Variants in ZNF528 observed in about 807,000 individuals in gnomAD.
ZNF528 encodes zinc finger protein 528.
In ZNF528, 9 loss-of-function variants were observed where a neutral mutation model predicts 13.3. That is an observed-to-expected ratio of 0.67 (90% CI 0.41 to 1.18). The LOEUF is 1.18. Ranked by LOEUF, ZNF528 falls within the 50% of genes most tolerant of loss-of-function variation. ZNF528 has a pLI of 0.01. For missense variants in ZNF528, 858 were observed against 745.4 expected, an observed-to-expected ratio of 1.15 and a Z score of -1.76; for synonymous variants, 264 against 254.3, an observed-to-expected ratio of 1.04 and a Z score of -0.36.
In ZNF528 at chr19:52,414,580, C is replaced by A. The variant is rs545344470; in HGVS notation, c.272-544C>A. 2.8e-4 allele frequency: 131 copies of A among 469,468 alleles called. No homozygotes were observed. In the Admixed American group the frequency reaches 4.5e-3, roughly 16 times the overall value. 29.1% of individuals were successfully genotyped at this position (469,468 alleles called of 1,614,324 possible). On this transcript the variant is annotated intron_variant, in intron 6 of 6. Transcript: ENST00000360465. Reference sequence around the variant, plus strand: ...CAGTAGATAATTTCAATGAGCATGGCACCAGGGAGTGATTACCTTCAGCAA... The same window carrying A: ...CAGTAGATAATTTCAATGAGCATGGAACCAGGGAGTGATTACCTTCAGCAA...
intron 4 of ZNF528, 81 bp from the exon 5 acceptor site, chr19:52,405,826 C>T (rs2058849047): frequency 1.3e-6 from 2 of 1,567,598 alleles, no homozygotes; most frequent in Non-Finnish European, 1.7e-6. Flanking sequence ...TGGAGTCAGT[C>T]CTTAACGACT....
In ZNF528 at chr19:52,401,666, T is replaced by C; in HGVS notation, c.-136-19T>C. On this transcript the variant is annotated intron_variant, in intron 2 of 6. Coordinates refer to ENST00000360465, the MANE Select transcript of ZNF528 (RefSeq NM_032423.3). ...TTATTACCACATGAAGAATTGCTTT[T>C]TTTTTTTTTTTTTTTTAGGTTCACA... 3 of 1,205,450 alleles carry C rather than the reference T, an allele frequency of 2.5e-6. No individual in the cohort carries two copies. Among genetic ancestry groups the C allele is most frequent in the Non-Finnish European group, 3.2e-6 (3 of 939,138 alleles). The allele number at this position is 1,205,450 out of a possible 1,614,324, so 74.7% of individuals were successfully genotyped here.
chr19:52,400,454 C>A (rs537800199), intron 2 of ZNF528, among the ~76,000 whole-genome samples: 2 of 152,248 alleles, frequency 1.3e-5, no homozygotes, highest in South Asian at 4.1e-4. Context: ...TTGACACCAA[C>A]CATTCCACTG....
Position 52,414,048 on chromosome 19 carries a change from G to A in ZNF528, c.272-1076G>A, listed in dbSNP as rs117466720. ...ACGTAGTGTTTTTTTCAACAGACAA[G>A]TTCTGCCCCACGTTACCCTGATTCA... On this transcript the variant is annotated intron_variant, in intron 6 of 6. Coordinates refer to ENST00000360465, the MANE Select transcript of ZNF528 (RefSeq NM_032423.3). 5,830 of 592,322 alleles carry A rather than the reference G, an allele frequency of 9.8e-3. 66 individuals are homozygous for A. The highest frequency in any genetic ancestry group is 0.027 in the Middle Eastern group (91 of 3,362). The allele number at this position is 592,322 out of a possible 1,614,324, so 36.7% of individuals were successfully genotyped here. A position where few individuals can be genotyped will look rare whatever the true frequency, so the allele number is the denominator to read the frequency against.
chr19:52,400,770 C>T (rs2058784721), intron 2 of ZNF528, among the ~76,000 whole-genome samples: 3 of 152,026 alleles, frequency 2.0e-5, no homozygotes, highest in African/African-American at 7.2e-5. Context: ...TAGCCATCCT[C>T]CTACAAAGAA....
intron 6 of ZNF528, chr19:52,414,556 A>G (rs1179678664): frequency 3.9e-6 from 2 of 509,468 alleles, no homozygotes; most frequent in East Asian, 7.0e-5. Context: ...TAGATGTCCC[A>G]GTAGATAATT....
rs1449932335 is a variant in ZNF528 at position 52,416,498 on chromosome 19, A to G, written c.1646A>G (p.Tyr549Cys). ...ATAATTCATACTGGAGAGAGGCCTT[A>G]CAGATGTAGTAAATGTGGCAAAGCA... ...HQIIHTGERP[Y>C]RCSKCGKAFR... Residue 549 changes from tyrosine to cysteine, a missense_variant, in exon 7 of 7, where the codon TAC (tyrosine) becomes TGC (cysteine). By Grantham distance (194) the Tyr-to-Cys change is radical (BLOSUM62 -2). Coordinates refer to ENST00000360465, the MANE Select transcript of ZNF528 (RefSeq NM_032423.3). 1.9e-6 allele frequency: 3 copies of G among 1,614,104 alleles called. No individual in the cohort carries two copies. Among genetic ancestry groups the G allele is most frequent in the Non-Finnish European group, 2.5e-6 (3 of 1,180,046 alleles).
chr19:52,407,399 C>G (rs2058871723), intron 6 of ZNF528, among the ~76,000 whole-genome samples: 1 of 152,176 alleles, frequency 6.6e-6, no homozygotes, highest in Non-Finnish European at 1.5e-5. Flanking sequence ...CTCAGCTTCC[C>G]AAAGTGTTGG....
chr19:52,415,273 G>A lies in ZNF528; in HGVS notation c.421G>A (p.Asp141Asn), dbSNP rs773237904. 1.2e-6 allele frequency: 2 copies of A among 1,614,000 alleles called. No individual in the cohort carries two copies. Among genetic ancestry groups the A allele is most frequent in the Non-Finnish European group, 8.5e-7 (1 of 1,180,008 alleles). The change falls in exon 7 of 7, where the codon GAC (aspartate) becomes AAC (asparagine). Residue 141 changes from aspartate to asparagine, a missense_variant. Coordinates refer to ENST00000360465, the MANE Select transcript of ZNF528 (RefSeq NM_032423.3). ...GCKHFEKPVSDNSSVSPLEKI... is the reference protein window; with the variant it reads ...GCKHFEKPVSNNSSVSPLEKI... The stretch of plus-strand genomic sequence containing the variant: ...TAAGCATTTTGAAAAACCCGTCAGT[G>A]ACAATTCCTCAGTTTCACCGCTTGA...
In ZNF528 at chr19:52,415,409, AT is replaced by A; in HGVS notation, c.558del (p.Tyr186Ter). On this transcript the variant is annotated frameshift_variant, in exon 7 of 7. Coordinates refer to ENST00000360465, the MANE Select transcript of ZNF528 (RefSeq NM_032423.3). LOFTEE classifies it low-confidence loss of function (END_TRUNC). ...EQKAHIREKA[Y>X]KCNEHGQVFR... Reference sequence around the variant, plus strand: ...AAAGCACACATTAGGGAAAAAGCTTATAAATGTAATGAGCACGGCCAAGTCT... The same window carrying A: ...AAAGCACACATTAGGGAAAAAGCTTAAAATGTAATGAGCACGGCCAAGTCT... The A allele has an allele frequency of 6.2e-7, 1 of 1,614,228 alleles. No homozygotes were observed. The highest frequency in any genetic ancestry group is 8.5e-7 in the Non-Finnish European group (1 of 1,180,048).
intron 6 of ZNF528, chr19:52,414,253 G>A: frequency 1.4e-6 from 1 of 702,506 alleles, no homozygotes. Context: ...AAAGTCCTAT[G>A]TTCGGAGGCC....
chr19:52,400,682 G>A (rs976391871), intron 2 of ZNF528, among the ~76,000 whole-genome samples: 1 of 151,866 alleles, frequency 6.6e-6, no homozygotes, highest in Non-Finnish European at 1.5e-5. Context: ...CCTCTGCGTG[G>A]CTGATTGAAA....
rs1367221926 is a variant in ZNF528, at chr19:52,416,771, A to G, written c.*32A>G. ...CTACAAACTGTATGGCAAAACCATCATCATGAGTTCTAGCATTAATCAACA... is the reference window on the plus strand; with the variant it reads ...CTACAAACTGTATGGCAAAACCATCGTCATGAGTTCTAGCATTAATCAACA... On this transcript the variant is annotated 3_prime_UTR_variant, in exon 7 of 7. Transcript: ENST00000360465. 1 of 1,554,286 alleles carries G rather than the reference A, an allele frequency of 6.4e-7. No individual in the cohort carries two copies. Among genetic ancestry groups the G allele is most frequent in the Non-Finnish European group, 8.7e-7 (1 of 1,146,098 alleles).
intron 6 of ZNF528, chr19:52,411,699 C>T (rs998549705): frequency 6.6e-6 from 1 of 152,204 alleles, no homozygotes; most frequent in African/African-American, 2.4e-5. Flanking sequence ...TAGCCCTTTT[C>T]TGTTTTTCCA....
chr19:52,405,782 C>A, intron 4 of ZNF528, 125 bp from the exon 5 acceptor site: 1 of 1,316,806 alleles, frequency 7.6e-7, no homozygotes, highest in Admixed American at 1.8e-5. Flanking sequence ...CTCAAGAATA[C>A]CTTAATATGG....
rs2059011226 is a variant in ZNF528 at position 52,416,815 on chromosome 19, G to C, written c.*76G>C. 7.1e-7 allele frequency: 1 copy of C among 1,408,482 alleles called. No individual in the cohort carries two copies. The highest frequency in any genetic ancestry group is 9.5e-7 in the Non-Finnish European group (1 of 1,047,564). The allele number at this position is 1,408,482 out of a possible 1,614,324, so 87.2% of individuals were successfully genotyped here. A position where few individuals can be genotyped will look rare whatever the true frequency, so the allele number is the denominator to read the frequency against. ...ATCAACATCAGTGAGTCCATACTAA[G>C]TGGAAATCATATAAATGAAATGTAT... On this transcript the variant is annotated 3_prime_UTR_variant, in exon 7 of 7. Transcript: ENST00000360465.
intron 6 of ZNF528, among the ~76,000 whole-genome samples, chr19:52,411,121 TATC>T (rs2058925960): frequency 6.6e-6 from 1 of 152,184 alleles, no homozygotes; most frequent in African/African-American, 2.4e-5. Context: ...GCCAGAAGAA[TATC>T]ATCCATAAAA....
At chr19:52,400,087 G>C (rs1426444886) in intron 2 of ZNF528, among the ~76,000 whole-genome samples, 1 of 152,054 alleles carries the variant, frequency 6.6e-6, no homozygotes, top group African/African-American at 2.4e-5. Context: ...GGCTGCTGCT[G>C]ATGCTGAGAC....
chr19:52,399,830 G>A (rs901065055), intron 2 of ZNF528, among the ~76,000 whole-genome samples: 1 of 152,158 alleles, frequency 6.6e-6, no homozygotes, highest in Admixed American at 6.5e-5. Flanking sequence ...CCAACAAGCA[G>A]TTCTTCGTCA....
Sources: gnomAD v4.1 joint callset for allele counts (sites outside exome capture counted in the v4.1 genomes callset) on GRCh38, gnomAD v4.1.1 for gene constraint, MANE v1.5 for transcripts, NCBI Gene and HGNC (gene_info 2026-07-23, HGNC 2026-07-21) for gene names.